PSIP1: variants seen among roughly 807,000 people sequenced by gnomAD.
The protein encoded by PSIP1 is PC4 and SRSF1 interacting protein 1.
A neutral mutation model predicts 74.7 loss-of-function variants in PSIP1; 19 were observed. The ratio of observed to expected loss-of-function variants is 0.25; its 90% confidence interval spans 0.18 to 0.37. PSIP1 has a LOEUF of 0.37. PSIP1 is among the 10% of genes least tolerant of loss of function. The pLI is 1.00. For missense variants in PSIP1, 601 were observed against 614.3 expected, an observed-to-expected ratio of 0.98 and a Z score of 0.23; for synonymous variants, 222 against 195.3, an observed-to-expected ratio of 1.14 and a Z score of -1.14.
intron 3 of PSIP1, among the ~76,000 whole-genome samples, chr9:15,491,284 CA>C (rs151275038): frequency 6.6e-6 from 1 of 151,750 alleles, no homozygotes; most frequent in Non-Finnish European, 1.5e-5. Flanking sequence ...CCAACAAAAG[CA>C]AAAAAATGCA....
rs746353050 is a variant in PSIP1 at position 15,510,237 on chromosome 9, A to ATGAGGCGGCGAGGAGT, written c.-50_-49insACTCCTCGCCGCCTCA. 1 of 1,564,168 alleles carries ATGAGGCGGCGAGGAGT rather than the reference A, an allele frequency of 6.4e-7. No homozygotes were observed. Among genetic ancestry groups the ATGAGGCGGCGAGGAGT allele is most frequent in the Admixed American group, 1.8e-5 (1 of 57,088 alleles). On this transcript the variant is annotated 5_prime_UTR_variant, in exon 2 of 16. Coordinates refer to ENST00000380733, the MANE Select transcript of PSIP1 (RefSeq NM_033222.5). The stretch of plus-strand genomic sequence containing the variant: ...CCGAAGCCCGGGAGGCGGCGAGGAG[A>ATGAGGCGGCGAGGAGT]TGCGGCGGCGCGGGGATGCGGGCGG...
rs112671758 is a variant in PSIP1 at position 15,501,840 on chromosome 9, CATATAT to C, written c.149+4715_149+4720del. 2.2e-4 allele frequency among the ~76,000 whole-genome samples: 27 copies of C among 124,488 alleles called. 2 individuals carry two copies. The highest frequency in any genetic ancestry group is 1.6e-3 in the East Asian group (7 of 4,446). The allele number at this position is 124,488 out of a possible 152,430, so 81.7% of individuals were successfully genotyped here. On this transcript the variant is annotated intron_variant, in intron 3 of 15. Coordinates refer to ENST00000380733, the MANE Select transcript of PSIP1 (RefSeq NM_033222.5). Reference sequence around the variant, plus strand: ...TGTTTAAGTCCCTTATATAAAACAGCATATATATATATATATATATATATATAAAAC... The same window carrying C: ...TGTTTAAGTCCCTTATATAAAACAGCATATATATATATATATATATAAAAC...
At chr9:15,506,264 T>C in intron 3 of PSIP1, 2 of 249,238 alleles carry the variant, frequency 8.0e-6, no homozygotes, top group Non-Finnish European at 1.6e-5. Context: ...TTTTACTGTA[T>C]AGGAATATCA....
intron 2 of PSIP1, among the ~76,000 whole-genome samples, chr9:15,507,823 C>A (rs1259371064): frequency 1.3e-5 from 2 of 152,174 alleles, no homozygotes; most frequent in Non-Finnish European, 2.9e-5. Context: ...GATGACTGAA[C>A]TGATTTGTGA....
intron 1 of PSIP1, 50 bp from the exon 2 acceptor site, chr9:15,510,379 GCCGCAAGGGGAGGGGGAGGGGAACCGGC>G: frequency 7.0e-6 from 1 of 143,324 alleles, no homozygotes; most frequent in East Asian, 2.6e-4. Context: ...GAAGGGAGGG[GCCGCAAGGGGAGGGGGAGGGGAACCGGC>G]GGGTGGGGGT....
chr9:15,491,212 C>A (rs967912407), intron 3 of PSIP1, among the ~76,000 whole-genome samples: 1 of 152,210 alleles, frequency 6.6e-6, no homozygotes, highest in Non-Finnish European at 1.5e-5. Context: ...CCTTCTCGCA[C>A]TTAGCAACAT....
chr9:15,509,709 C>T (rs986696079), intron 2 of PSIP1, among the ~76,000 whole-genome samples: 1 of 152,182 alleles, frequency 6.6e-6, no homozygotes, highest in Admixed American at 6.5e-5. Flanking sequence ...ACTTCTCTGA[C>T]ATCCAAGTGT....
At position 15,510,348 on chromosome 9, in the gene PSIP1, G is replaced by T; in HGVS notation, c.-141-19C>A. Reference sequence around the variant, plus strand: ...GCGCCTGCTAGGGAGAGCACCGAGGGCGGTTAAAGCGAAGAACCCCGAAGG... The same window carrying T: ...GCGCCTGCTAGGGAGAGCACCGAGGTCGGTTAAAGCGAAGAACCCCGAAGG... On this transcript the variant is annotated intron_variant, in intron 1 of 15. Transcript: ENST00000380733. 2.3e-6 allele frequency: 1 copy of T among 428,924 alleles called. No homozygotes were observed. 26.6% of individuals were successfully genotyped at this position (428,924 alleles called of 1,614,324 possible).
intron 3 of PSIP1, among the ~76,000 whole-genome samples, chr9:15,504,244 T>C (rs1346215867): frequency 6.6e-6 from 1 of 152,214 alleles, no homozygotes; most frequent in Non-Finnish European, 1.5e-5. Context: ...TCCTAAATTC[T>C]TGAATATTAG....
intron 8 of PSIP1, among the ~76,000 whole-genome samples, chr9:15,476,048 A>T (rs1411572968): frequency 6.6e-6 from 1 of 152,156 alleles, no homozygotes; most frequent in Non-Finnish European, 1.5e-5. Context: ...ACGCTAAGAG[A>T]TACATGGTGT....
At chr9:15,489,608 C>CAAAAAAAAA (rs1278277874) in intron 4 of PSIP1, among the ~76,000 whole-genome samples, 7 of 45,524 alleles carry the variant, frequency 1.5e-4, no homozygotes, top group African/African-American at 3.8e-4. Context: ...AACTACACCT[C>CAAAAAAAAA]AAAAAAAAAA....
chr9:15,488,794 G>C (rs2036676025), intron 4 of PSIP1, among the ~76,000 whole-genome samples: 1 of 152,090 alleles, frequency 6.6e-6, no homozygotes. Flanking sequence ...GGCCGAGGCG[G>C]GCGGATCACA....
In PSIP1 at chr9:15,468,755, C is replaced by T; in HGVS notation, c.1295G>A (p.Gly432Glu). The change falls in exon 14 of 16, where the codon GGA becomes GAA. Residue 432 changes from glycine (G) to glutamate (E), a missense_variant. Transcript: ENST00000380733. ...KFKNMFLVGE[G>E]DSVITQVLNK... ...CAGCACTTGGGTGATCACGGAATCT[C>T]CTTCACCAACCAAGAACATGTTCTT... 1 of 1,614,022 alleles carries T rather than the reference C, an allele frequency of 6.2e-7. No individual in the cohort carries two copies. The highest frequency in any genetic ancestry group is 8.5e-7 in the Non-Finnish European group (1 of 1,179,922).
rs2037795943 is a variant in PSIP1, at chr9:15,510,235, AGATGCGGCGGCGCGGG to A, written c.-63_-48del. On this transcript the variant is annotated 5_prime_UTR_variant, in exon 2 of 16. Transcript: ENST00000380733. ...GTCCGAAGCCCGGGAGGCGGCGAGGAGATGCGGCGGCGCGGGGATGCGGGCGGCGGACGCGGGCCCA... is the reference window on the plus strand; with the variant it reads ...GTCCGAAGCCCGGGAGGCGGCGAGGAGATGCGGGCGGCGGACGCGGGCCCA... 1.3e-6 allele frequency: 2 copies of A among 1,568,974 alleles called. No individual in the cohort carries two copies. The highest frequency in any genetic ancestry group is 8.7e-7 in the Non-Finnish European group (1 of 1,154,164).
intron 9 of PSIP1, among the ~76,000 whole-genome samples, 164 bp downstream of exon 9, chr9:15,473,845 G>C (rs2035947566): frequency 1.5e-5 from 2 of 135,862 alleles, no homozygotes; most frequent in African/African-American, 5.5e-5. Context: ...AGGTTGCAGT[G>C]AACCAAGATT....
chr9:15,488,865 C>CAA (rs1474327355), intron 4 of PSIP1, among the ~76,000 whole-genome samples: 1 of 152,018 alleles, frequency 6.6e-6, no homozygotes, highest in East Asian at 1.9e-4. Flanking sequence ...ACTAAAAATA[C>CAA]AAAAAATTAG....
intron 4 of PSIP1, among the ~76,000 whole-genome samples, chr9:15,489,083 T>C (rs16933326): frequency 0.026 from 3,933 of 152,282 alleles, 161 homozygotes; most frequent in African/African-American, 0.089. Context: ...AGAGAACCAG[T>C]GTTTTCTGTA....
At chr9:15,505,863 C>T (rs2037563626) in intron 3 of PSIP1, 1 of 152,186 alleles carries the variant, frequency 6.6e-6, no homozygotes, top group Admixed American at 6.5e-5. Context: ...TTTTGTTTCT[C>T]CTCATCCCAG....
At position 15,472,289 on chromosome 9, in the gene PSIP1, C is replaced by T. The variant is rs2035871211; in HGVS notation, c.977+343G>A. 4.0e-6 allele frequency: 4 copies of T among 1,009,632 alleles called. No individual in the cohort carries two copies. The South Asian group carries it at 1.4e-4, about 35-fold the overall frequency. The allele number at this position is 1,009,632 out of a possible 1,614,324, so 62.5% of individuals were successfully genotyped here. A position where few individuals can be genotyped will look rare whatever the true frequency, so the allele number is the denominator to read the frequency against. On this transcript the variant is annotated intron_variant, in intron 10 of 15. Coordinates refer to ENST00000380733, the MANE Select transcript of PSIP1 (RefSeq NM_033222.5). ...GGGCATTTCCTGCATTCTTTGTCTA[C>T]CAGTATATTATCGCCCCTCTATCTA... is the stretch of plus-strand genomic sequence containing the variant.
Sources: allele counts gnomAD v4.1 joint callset (sites outside exome capture counted in the v4.1 genomes callset), GRCh38; gene constraint gnomAD v4.1.1; transcripts MANE v1.5; gene names NCBI Gene and HGNC (gene_info 2026-07-23, HGNC 2026-07-21).